Variants in SGCZ observed in about 807,000 individuals in gnomAD.
SGCZ encodes the protein zeta-sarcoglycan.
A neutral mutation model predicts 41.3 loss-of-function variants in SGCZ; 40 were observed. The ratio of observed to expected loss-of-function variants is 0.97; its 90% CI spans 0.75 to 1.26. The LOEUF (loss-of-function observed/expected upper bound fraction) is 1.26. Among genes scored for constraint, SGCZ ranks in the 50% most tolerant of loss-of-function variants. The pLI is 0.00. For synonymous variants in SGCZ, 206 were observed against 137.5 expected, an observed-to-expected ratio of 1.50 and a Z score of -3.49; for missense variants, 552 against 369.8, an observed-to-expected ratio of 1.49 and a Z score of -4.04.
At chr8:14,811,281 T>C (rs1268145875) in intron 1 of SGCZ, among the ~76,000 whole-genome samples, 1 of 152,018 alleles carries the variant, frequency 6.6e-6, no homozygotes, top group Non-Finnish European at 1.5e-5. Flanking sequence ...AATAAAAATT[T>C]ATTCCAATAA....
At chr8:15,187,932 T>A (rs1046786127) in intron 1 of SGCZ, among the ~76,000 whole-genome samples, 1 of 152,004 alleles carries the variant, frequency 6.6e-6, no homozygotes, top group African/African-American at 2.4e-5. Context: ...AGAAAACTTA[T>A]CTGTTGCTGT....
At chr8:14,674,105 T>G (rs191538871) in intron 1 of SGCZ, among the ~76,000 whole-genome samples, 22 of 152,190 alleles carry the variant, frequency 1.4e-4, no homozygotes, top group African/African-American at 2.4e-4. Context: ...TGTTAAAACC[T>G]TCAATAAAGT....
At chr8:14,551,461 ATATTATATATAT>A (rs1803811492) in intron 2 of SGCZ, among the ~76,000 whole-genome samples, 2 of 6,818 alleles carry the variant, frequency 2.9e-4, no homozygotes, top group African/African-American at 1.0e-3. Flanking sequence ...TATATTATAT[ATATTATATATAT>A]TATATATTAT....
chr8:14,229,910 G>T (rs972121470), intron 4 of SGCZ, among the ~76,000 whole-genome samples: 14 of 152,066 alleles, frequency 9.2e-5, no homozygotes, highest in Non-Finnish European at 1.5e-4. Flanking sequence ...AAAATAAGCC[G>T]ATTGGACTTA....
At chr8:14,434,249 T>C (rs930817794) in intron 2 of SGCZ, among the ~76,000 whole-genome samples, 2 of 152,188 alleles carry the variant, frequency 1.3e-5, no homozygotes, top group African/African-American at 2.4e-5. Flanking sequence ...TCATGTTTTG[T>C]TTGCTTTGTC....
intron 1 of SGCZ, among the ~76,000 whole-genome samples, chr8:15,107,169 G>C (rs531389360): frequency 6.6e-6 from 1 of 152,058 alleles, no homozygotes; most frequent in Non-Finnish European, 1.5e-5. Flanking sequence ...TTTATGTCAA[G>C]TTTTAAAAGT....
intron 2 of SGCZ, among the ~76,000 whole-genome samples, chr8:14,395,557 A>T (rs1798892105): frequency 6.6e-6 from 1 of 152,176 alleles, no homozygotes; most frequent in African/African-American, 2.4e-5. Context: ...TACTCTAAAC[A>T]AGAAAGAAAG....
intron 1 of SGCZ, among the ~76,000 whole-genome samples, chr8:14,689,906 CACTT>C (rs1470435325): frequency 1.3e-5 from 2 of 152,194 alleles, no homozygotes; most frequent in Non-Finnish European, 2.9e-5. Flanking sequence ...ATGACAATGT[CACTT>C]ACTGCCTACG....
At chr8:15,219,601 A>T (rs902649513) in intron 1 of SGCZ, among the ~76,000 whole-genome samples, 1 of 152,152 alleles carries the variant, frequency 6.6e-6, no homozygotes, top group African/African-American at 2.4e-5. Flanking sequence ...CATTAATTTT[A>T]TTATTCAATA....
chr8:14,128,718 TACACAC>T (rs144594296), intron 5 of SGCZ, among the ~76,000 whole-genome samples: 21 of 150,376 alleles, frequency 1.4e-4, no homozygotes, highest in Non-Finnish European at 2.4e-4. Flanking sequence ...TATATACATA[TACACAC>T]ACACACACAC....
intron 2 of SGCZ, among the ~76,000 whole-genome samples, chr8:14,468,594 T>C (rs1186930375): frequency 2.6e-5 from 4 of 152,104 alleles, no homozygotes; most frequent in African/African-American, 9.7e-5. Flanking sequence ...TGACTTAACG[T>C]ATTTAAATTT....
intron 1 of SGCZ, among the ~76,000 whole-genome samples, chr8:14,611,345 TG>T (rs1431877372): frequency 5.5e-5 from 8 of 144,686 alleles, no homozygotes; most frequent in Non-Finnish European, 9.2e-5. Context: ...TGTGTGTGTG[TG>T]AATGTATGAA....
intron 4 of SGCZ, 84 bp from the exon 5 acceptor site, chr8:14,164,786 CA>C: frequency 1.4e-6 from 2 of 1,470,512 alleles, no homozygotes; most frequent in Non-Finnish European, 1.8e-6. Flanking sequence ...ACTAGAAATG[CA>C]TATATTATTT....
intron 1 of SGCZ, among the ~76,000 whole-genome samples, chr8:14,997,398 G>A (rs1052092995): frequency 7.2e-5 from 11 of 152,094 alleles, no homozygotes; most frequent in African/African-American, 2.4e-4. Context: ...TCATATTAAT[G>A]CAGTAAAGAC....
chr8:14,993,615 A>G (rs1802102245), intron 1 of SGCZ, among the ~76,000 whole-genome samples: 1 of 152,230 alleles, frequency 6.6e-6, no homozygotes, highest in African/African-American at 2.4e-5. Context: ...ATCAGAAAGC[A>G]TAATTTGAGC....
At chr8:15,025,190 T>C (rs1340384706) in intron 1 of SGCZ, among the ~76,000 whole-genome samples, 1 of 152,090 alleles carries the variant, frequency 6.6e-6, no homozygotes, top group Non-Finnish European at 1.5e-5. Context: ...AAGAACAGTA[T>C]AAGCATTTGA....
intron 2 of SGCZ, among the ~76,000 whole-genome samples, chr8:14,393,577 G>C (rs1804864268): frequency 6.6e-6 from 1 of 152,128 alleles, no homozygotes; most frequent in South Asian, 2.1e-4. Flanking sequence ...AACTAGCATA[G>C]AAATTTCGGT....
At chr8:14,177,940 C>CTTCTT (rs1554472778) in intron 4 of SGCZ, among the ~76,000 whole-genome samples, 2 of 91,498 alleles carry the variant, frequency 2.2e-5, no homozygotes, top group Non-Finnish European at 4.0e-5. Context: ...TTCTTTTTTC[C>CTTCTT]TTCTTTTCTT....
rs183953668 is a variant in SGCZ at position 14,404,246 on chromosome 8, G to T, written c.235-80042C>A. Among the ~76,000 whole-genome samples the T allele has an allele frequency of 2.8e-4, 43 of 152,036 alleles. No homozygotes were observed. The East Asian group carries it at 4.1e-3, about 14-fold the overall frequency. ...TGTTTTTTTAATCACATAAAACTTT[G>T]CCAGTGTTCATTTTAAAACTGTGCT... is the stretch of plus-strand genomic sequence containing the variant. On this transcript the variant is annotated intron_variant, in intron 2 of 7. Coordinates refer to ENST00000382080, the MANE Select transcript of SGCZ (RefSeq NM_139167.4).
Sources: gnomAD v4.1 joint callset for allele counts (sites outside exome capture counted in the v4.1 genomes callset) on GRCh38, gnomAD v4.1.1 for gene constraint, MANE v1.5 for transcripts, NCBI Gene and HGNC (gene_info 2026-07-23, HGNC 2026-07-21) for gene names.